Variants in FOXP1 observed in about 807,000 individuals in gnomAD.
The protein encoded by FOXP1 is forkhead box P1.
FOXP1 carries 15 observed loss-of-function variants against 98.2 expected under a neutral mutation model. The observed-to-expected ratio is 0.15, with a 90% CI of 0.10 to 0.24. FOXP1 has a LOEUF of 0.24. FOXP1 is among the 10% of genes least tolerant of loss of function. The pLI, the probability that FOXP1 is intolerant of heterozygous loss-of-function variation, is 1.00. For missense variants in FOXP1, 633 were observed against 848.5 expected (o/e 0.75, Z 3.15); for synonymous variants, 371 against 314.5 (o/e 1.18, Z -1.90).
intron 2 of FOXP1, among the ~76,000 whole-genome samples, chr3:71,542,345 G>A (rs1481850744): frequency 1.3e-5 from 2 of 152,062 alleles, no homozygotes; most frequent in Non-Finnish European, 2.9e-5. Flanking sequence ...TTGAGAACAA[G>A]AAACAAACCA....
intron 3 of FOXP1, among the ~76,000 whole-genome samples, chr3:71,417,743 G>A (rs1389680688): frequency 6.6e-6 from 1 of 151,652 alleles, no homozygotes; most frequent in East Asian, 1.9e-4. Context: ...ATCTTAGCTG[G>A]CCCTGGACTA....
At chr3:71,466,485 C>A (rs2088754805) in intron 3 of FOXP1, among the ~76,000 whole-genome samples, 1 of 152,210 alleles carries the variant, frequency 6.6e-6, no homozygotes, top group South Asian at 2.1e-4. Context: ...GCTATTTAAT[C>A]AAACAGAAGA....
intron 4 of FOXP1, among the ~76,000 whole-genome samples, chr3:71,321,426 A>C (rs1281289606): frequency 6.6e-6 from 1 of 152,180 alleles, no homozygotes; most frequent in African/African-American, 2.4e-5. Flanking sequence ...GGTGTCATTT[A>C]AGTGACCATG....
At chr3:71,522,617 T>C (rs1457377983) in intron 2 of FOXP1, among the ~76,000 whole-genome samples, 2 of 152,188 alleles carry the variant, frequency 1.3e-5, no homozygotes, top group East Asian at 1.9e-4. Context: ...GATTCAAATA[T>C]AGCAGGTGGC....
intron 7 of FOXP1, among the ~76,000 whole-genome samples, chr3:71,111,008 A>T (rs769327328): frequency 6.6e-6 from 1 of 152,242 alleles, no homozygotes; most frequent in Non-Finnish European, 1.5e-5. Context: ...GCGTCACTAT[A>T]GTGCTGAACT....
At chr3:71,094,404 C>T (rs562221341) in intron 7 of FOXP1, among the ~76,000 whole-genome samples, 29 of 151,872 alleles carry the variant, frequency 1.9e-4, no homozygotes, top group Admixed American at 5.9e-4. Context: ...CTCAGCCTCC[C>T]GAGTAGCTGG....
At chr3:71,580,812 G>A (rs1010525753) in intron 2 of FOXP1, 10 of 985,318 alleles carry the variant, frequency 1.0e-5, no homozygotes, top group Non-Finnish European at 1.1e-5. Context: ...TTAAGTCTAC[G>A]TACAACCAAT....
At chr3:71,526,018 G>A (rs1578012824) in intron 2 of FOXP1, among the ~76,000 whole-genome samples, 1 of 152,128 alleles carries the variant, frequency 6.6e-6, no homozygotes, top group Admixed American at 6.5e-5. Flanking sequence ...CTACTTGGGA[G>A]GCTAAGGAAG....
At chr3:71,376,947 A>T (rs1199354925) in intron 3 of FOXP1, among the ~76,000 whole-genome samples, 1 of 152,204 alleles carries the variant, frequency 6.6e-6, no homozygotes, top group Non-Finnish European at 1.5e-5. Flanking sequence ...TAACCTACAG[A>T]AACTCAAAAG....
chr3:71,558,797 T>C (rs567305336), intron 2 of FOXP1, among the ~76,000 whole-genome samples: 97 of 131,786 alleles, frequency 7.4e-4, no homozygotes, highest in Non-Finnish European at 1.3e-3. Context: ...CCCAGCCGAT[T>C]CTCACTTTTT....
intron 4 of FOXP1, among the ~76,000 whole-genome samples, chr3:71,351,954 C>G (rs144690805): frequency 1.4e-4 from 21 of 152,216 alleles, no homozygotes; most frequent in Admixed American, 4.6e-4. Flanking sequence ...AATCAAATTG[C>G]GACACACTTT....
rs1183359924 is a variant in FOXP1 at position 71,085,713 on chromosome 3, T to TATGGTGG, written c.282+26816_282+26822dup. Among the ~76,000 whole-genome samples the TATGGTGG allele has an allele frequency of 1.5e-4, 23 of 150,552 alleles. No individual in the cohort carries two copies. The South Asian group carries it at 2.9e-3, about 19-fold the overall frequency. On this transcript the variant is annotated intron_variant, in intron 7 of 20. Transcript: ENST00000649528. ...TGTCCAAGTTTTCATTTGGTTCTTG[T>TATGGTGG]ATGGTGGGTATCATTTATGGCCTTT...
At chr3:71,574,578 C>T (rs567084475) in intron 2 of FOXP1, 72 of 152,090 alleles carry the variant, frequency 4.7e-4, no homozygotes, top group African/African-American at 1.6e-3. Flanking sequence ...CCATCACATA[C>T]GATAGAGAAT....
intron 3 of FOXP1, among the ~76,000 whole-genome samples, chr3:71,424,969 T>C (rs11709053): frequency 6.6e-6 from 1 of 152,238 alleles, no homozygotes; most frequent in Non-Finnish European, 1.5e-5. Context: ...TGTATGGCAG[T>C]TGCCATACTC....
chr3:70,979,995 A>G (rs753322018), intron 14 of FOXP1, among the ~76,000 whole-genome samples: 4 of 152,166 alleles, frequency 2.6e-5, no homozygotes, highest in Non-Finnish European at 4.4e-5. Flanking sequence ...TCGGTGAGCA[A>G]GAGACAATGC....
intron 13 of FOXP1, among the ~76,000 whole-genome samples, chr3:70,993,999 GAAGAAAAAGAAAAAGAAA>G (rs5849975): frequency 5.1e-4 from 69 of 136,074 alleles, no homozygotes; most frequent in Admixed American, 7.7e-4. Context: ...CGTCTCAAAA[GAAGAAAAAGAAAAAGAAA>G]AAGAAAAAGA....
chr3:71,139,533 T>C (rs1560009386), intron 6 of FOXP1, among the ~76,000 whole-genome samples: 1 of 152,162 alleles, frequency 6.6e-6, no homozygotes, highest in East Asian at 1.9e-4. Flanking sequence ...ACTCTGCCCT[T>C]GTTACTCCCT....
Position 71,294,631 on chromosome 3 carries a change from T to A in FOXP1, c.-12+5189A>T, listed in dbSNP as rs944506444. Among the ~76,000 whole-genome samples, 8 of 152,282 alleles carry A rather than the reference T, an allele frequency of 5.3e-5. No individual in the cohort carries two copies. The East Asian group carries it at 1.5e-3, about 29-fold the overall frequency. On this transcript the variant is annotated intron_variant, in intron 5 of 20. Coordinates refer to ENST00000649528, the MANE Select transcript of FOXP1 (RefSeq NM_001349338.3). ...ATGTACATACATCTGTATGTATGAA[T>A]GAATGAATGAAATTACTAGATTGGA...
chr3:71,310,978 T>A (rs1379591444), intron 4 of FOXP1, among the ~76,000 whole-genome samples: 2 of 152,230 alleles, frequency 1.3e-5, no homozygotes, highest in Non-Finnish European at 2.9e-5. Context: ...AGGCAACAGA[T>A]AAGTCGTATT....
Sources: allele counts gnomAD v4.1 joint callset (sites outside exome capture counted in the v4.1 genomes callset), GRCh38; gene constraint gnomAD v4.1.1; transcripts MANE v1.5; gene names NCBI Gene and HGNC (gene_info 2026-07-23, HGNC 2026-07-21).